The following DLG2 variants were observed in gnomAD, a reference collection of about 807,000 sequenced individuals.
The protein encoded by DLG2 is discs large MAGUK scaffold protein 2, also known as disks large homolog 2.
Under a neutral mutation model 132.5 loss-of-function variants are expected in DLG2, and 45 were observed. The observed-to-expected ratio is 0.34, with a 90% CI of 0.27 to 0.44. The LOEUF is 0.44. Among genes scored for constraint, DLG2 ranks in the 20% least tolerant of loss-of-function variants. DLG2 has a pLI of 1.00. For missense variants in DLG2, 1,045 were observed against 1,196.9 expected (o/e 0.87, Z 1.87); for synonymous variants, 424 against 419.6 (o/e 1.01, Z -0.13).
intron 6 of DLG2, among the ~76,000 whole-genome samples, chr11:84,985,242 A>C (rs1053762566): frequency 2.6e-5 from 4 of 152,212 alleles, no homozygotes; most frequent in African/African-American, 9.7e-5. Flanking sequence ...ACTGAGCCTC[A>C]ATAAATTTAA....
chr11:84,365,781 T>C (rs1395152999), intron 7 of DLG2, among the ~76,000 whole-genome samples: 2 of 152,060 alleles, frequency 1.3e-5, no homozygotes, highest in Non-Finnish European at 2.9e-5. Context: ...CCAGTAGTCA[T>C]TCAGGAGCAG....
At chr11:84,819,921 G>T (rs2077492371) in intron 6 of DLG2, among the ~76,000 whole-genome samples, 1 of 151,508 alleles carries the variant, frequency 6.6e-6, no homozygotes, top group South Asian at 2.1e-4. Context: ...ACCTGTCTGG[G>T]TAAGTGTCCA....
intron 2 of DLG2, among the ~76,000 whole-genome samples, chr11:85,613,896 G>C (rs1330334960): frequency 1.3e-5 from 2 of 152,178 alleles, no homozygotes; most frequent in African/African-American, 4.8e-5. Flanking sequence ...GTGAAGGTCT[G>C]CAGCTTCACT....
intron 7 of DLG2, among the ~76,000 whole-genome samples, chr11:84,499,955 T>G (rs2099198302): frequency 6.6e-6 from 1 of 152,174 alleles, no homozygotes; most frequent in Non-Finnish European, 1.5e-5. Context: ...CATTCATTTA[T>G]CTATTCATTT....
At chr11:84,793,473 G>T (rs181652475) in intron 6 of DLG2, among the ~76,000 whole-genome samples, 105 of 152,256 alleles carry the variant, frequency 6.9e-4, no homozygotes, top group African/African-American at 2.2e-3. Context: ...CTTTCTGGGA[G>T]ATCTGTCCAA....
chr11:83,666,403 T>C (rs668025), intron 18 of DLG2, among the ~76,000 whole-genome samples: 68,409 of 151,898 alleles, frequency 0.45, 17,047 homozygotes, highest in African/African-American at 0.67. Flanking sequence ...CTGTCAGATC[T>C]GTGGTTTCAT....
chr11:84,862,139 A>G (rs889042867), intron 6 of DLG2, among the ~76,000 whole-genome samples: 1 of 152,108 alleles, frequency 6.6e-6, no homozygotes, highest in Non-Finnish European at 1.5e-5. Context: ...ATACACATGT[A>G]ACTAACCTGC....
At chr11:85,170,092 G>A (rs541005241) in intron 4 of DLG2, among the ~76,000 whole-genome samples, 17 of 152,182 alleles carry the variant, frequency 1.1e-4, no homozygotes, top group South Asian at 6.2e-4. Context: ...ACATGGCAGC[G>A]AGCCATCATA....
chr11:84,184,561 G>A (rs1294259858), intron 8 of DLG2, among the ~76,000 whole-genome samples: 2 of 151,732 alleles, frequency 1.3e-5, no homozygotes, highest in South Asian at 2.1e-4. Context: ...CTGTGCAGAA[G>A]CTCTTTAGTT....
chr11:83,753,653 A>AAT (rs200927175), intron 18 of DLG2, among the ~76,000 whole-genome samples: 3 of 139,632 alleles, frequency 2.1e-5, no homozygotes, highest in Admixed American at 1.4e-4. Context: ...TATATCAATA[A>AAT]ATATATATAT....
chr11:84,230,056 G>A (rs1172284102), intron 8 of DLG2, among the ~76,000 whole-genome samples: 1 of 152,130 alleles, frequency 6.6e-6, no homozygotes, highest in Non-Finnish European at 1.5e-5. Flanking sequence ...CTCCACATGT[G>A]AAGCTTTGCA....
intron 3 of DLG2, among the ~76,000 whole-genome samples, chr11:85,340,538 A>AAATGATGAG (rs2082415429): frequency 6.6e-6 from 1 of 152,204 alleles, no homozygotes; most frequent in South Asian, 2.1e-4. Flanking sequence ...TACCTAATGT[A>AAATGATGAG]AATGATGAGT....
intron 16 of DLG2, 75 bp downstream of exon 16, chr11:83,874,345 C>T: frequency 9.6e-7 from 1 of 1,039,948 alleles, no homozygotes; most frequent in Non-Finnish European, 1.4e-6. Context: ...GAAAGAGAGA[C>T]AGAGACAGGG....
intron 6 of DLG2, among the ~76,000 whole-genome samples, chr11:85,059,545 G>A (rs974459126): frequency 6.6e-5 from 10 of 151,340 alleles, no homozygotes; most frequent in Non-Finnish European, 8.9e-5. Flanking sequence ...AGGTGTATTC[G>A]TACAATGGAT....
At chr11:85,228,813 C>T (rs1236197410) in intron 4 of DLG2, among the ~76,000 whole-genome samples, 1 of 151,278 alleles carries the variant, frequency 6.6e-6, no homozygotes, top group Non-Finnish European at 1.5e-5. Flanking sequence ...ATTTCTTATC[C>T]TATTTTTATT....
intron 6 of DLG2, among the ~76,000 whole-genome samples, chr11:84,899,484 A>T (rs2090616193): frequency 6.6e-6 from 1 of 152,058 alleles, no homozygotes; most frequent in Non-Finnish European, 1.5e-5. Context: ...CTCACCGTGC[A>T]ACAAATGTTG....
At chr11:85,436,481 C>A (rs999745023) in intron 3 of DLG2, among the ~76,000 whole-genome samples, 6 of 152,040 alleles carry the variant, frequency 3.9e-5, no homozygotes, top group Non-Finnish European at 8.8e-5. Flanking sequence ...CAAACAACTC[C>A]ATTCAAAAGG....
chr11:84,498,672 T>C (rs2099192837), intron 7 of DLG2, among the ~76,000 whole-genome samples: 1 of 152,194 alleles, frequency 6.6e-6, no homozygotes, highest in African/African-American at 2.4e-5. Context: ...ATGATATCTA[T>C]GAAGTGCTGA....
chr11:83,557,345 C>G lies in DLG2; in HGVS notation c.1941-15487G>C, dbSNP rs928027728. On this transcript the variant is annotated intron_variant, in intron 19 of 27. Coordinates refer to ENST00000376104, the MANE Select transcript of DLG2 (RefSeq NM_001142699.3). Reference sequence around the variant, plus strand: ...GGTGATGAGATGACAGGTTCCTGTTCTGCAAGACCCCAGGCTGCTTTTGAT... The same window carrying G: ...GGTGATGAGATGACAGGTTCCTGTTGTGCAAGACCCCAGGCTGCTTTTGAT... Among the ~76,000 whole-genome samples the G allele has an allele frequency of 1.1e-4, 16 of 152,336 alleles. No homozygotes were observed. In the East Asian group the frequency reaches 3.1e-3, roughly 29 times the overall value.
Sources: allele counts gnomAD v4.1 joint callset (sites outside exome capture counted in the v4.1 genomes callset), GRCh38; gene constraint gnomAD v4.1.1; transcripts MANE v1.5; gene names NCBI Gene and HGNC (gene_info 2026-07-23, HGNC 2026-07-21).